Variants in MGAT4B observed in about 807,000 individuals in gnomAD.
The protein encoded by MGAT4B is N-acetylglucosaminyltransferase IVb.
Under a neutral mutation model 73.9 loss-of-function variants are expected in MGAT4B, and 38 were observed. That is an observed-to-expected ratio of 0.51 (90% CI 0.40 to 0.67). The LOEUF is 0.67. MGAT4B is among the 30% of genes least tolerant of loss of function. MGAT4B has a pLI of 0.00. For synonymous variants in MGAT4B, 373 were observed against 313.5 expected (o/e 1.19, Z -2.01); for missense variants, 686 against 735.2 (o/e 0.93, Z 0.77).
Position 179,800,471 on chromosome 5 carries a change from G to T in MGAT4B, c.719+13C>A. 2.6e-6 allele frequency: 4 copies of T among 1,563,802 alleles called. No homozygotes were observed. Among genetic ancestry groups the T allele is most frequent in the South Asian group, 1.1e-5 (1 of 88,694 alleles). ...CAGGCGGGTTGCTGAGGGTATGGGG[G>T]AGTAACTAGTACCTGACTCTCTCCT... On this transcript the variant is annotated intron_variant, in intron 6 of 14. Transcript: ENST00000292591.
chr5:179,799,230 C>A lies in MGAT4B; in HGVS notation c.1122G>T (p.Ser374=). The A allele has an allele frequency of 6.2e-7, 1 of 1,613,996 alleles. No individual in the cohort carries two copies. Among genetic ancestry groups the A allele is most frequent in the Non-Finnish European group, 8.5e-7 (1 of 1,180,036 alleles). The change falls in exon 10 of 15, where the codon TCG becomes TCT. Residue 374 remains serine, a synonymous_variant. Coordinates refer to ENST00000292591, the MANE Select transcript of MGAT4B (RefSeq NM_014275.5). ...SLFQHVGTHS[S]LAGKIQKLKD... ...TCAGTTTCTGGATCTTGCCAGCCAGCGAGGAGTGAGTGCCCACGTGCTGGA... is the reference window on the plus strand; with the variant it reads ...TCAGTTTCTGGATCTTGCCAGCCAGAGAGGAGTGAGTGCCCACGTGCTGGA...
At chr5:179,804,823 A>C (rs924115096) in intron 1 of MGAT4B, 2 of 152,228 alleles carry the variant, frequency 1.3e-5, no homozygotes, top group African/African-American at 4.8e-5. Context: ...ATGGGTTCAC[A>C]TAAGAGCCCA....
At chr5:179,800,126 C>A in intron 7 of MGAT4B, 58 bp from the exon 8 acceptor site, 1 of 1,608,946 alleles carries the variant, frequency 6.2e-7, no homozygotes, top group Non-Finnish European at 8.5e-7. Flanking sequence ...TGGACCAGAC[C>A]CATCGCAGGG....
At position 179,801,614 on chromosome 5, in the gene MGAT4B, G is replaced by A. The variant is rs554615864; in HGVS notation, c.364C>T (p.Leu122=). 5 of 1,606,328 alleles carry A rather than the reference G, an allele frequency of 3.1e-6. No individual in the cohort carries two copies. In the South Asian group the frequency reaches 5.6e-5, roughly 18 times the overall value. The stretch of plus-strand genomic sequence containing the variant: ...TGCAGACTGCTCTCCTTGGCCAGCA[G>A]GTGTGGCAGGTGATGGAAGACGGTG... ...LPTVFHHLPH[L]LAKESSLQPA... is the part of the protein sequence containing the mutation. The change falls in exon 3 of 15, where the codon CTG becomes TTG. Residue 122 remains leucine (L), a synonymous_variant. Coordinates refer to ENST00000292591, the MANE Select transcript of MGAT4B (RefSeq NM_014275.5). The surrounding 1 kb of genome is among the most constrained non-coding windows in gnomAD (Gnocchi z 4.8).
chr5:179,800,429 T>G, intron 6 of MGAT4B, 55 bp downstream of exon 6: 5 of 1,422,054 alleles, frequency 3.5e-6, no homozygotes, highest in Non-Finnish European at 4.9e-6. Context: ...CACCAGTAGA[T>G]GGGTTCTCAG....
chr5:179,801,125 G>T lies in MGAT4B; in HGVS notation c.559-172C>A, dbSNP rs765318378. 1 of 1,125,688 alleles carries T rather than the reference G, an allele frequency of 8.9e-7. No homozygotes were observed. Among genetic ancestry groups the T allele is most frequent in the Non-Finnish European group, 1.2e-6 (1 of 800,212 alleles). 69.7% of individuals were successfully genotyped at this position (1,125,688 alleles called of 1,614,324 possible). A position where few individuals can be genotyped will look rare whatever the true frequency, so the allele number is the denominator to read the frequency against. ...AGACGGCCCTTTCCCTTTGGGACTCGCATGGCCAAGGACTAGGGGGTGGCG... is the reference window on the plus strand; with the variant it reads ...AGACGGCCCTTTCCCTTTGGGACTCTCATGGCCAAGGACTAGGGGGTGGCG... On this transcript the variant is annotated intron_variant, in intron 4 of 14. Transcript: ENST00000292591. The surrounding 1 kb of genome is among the most constrained non-coding windows in gnomAD (Gnocchi z 4.8).
intron 1 of MGAT4B, chr5:179,802,904 C>A: frequency 2.0e-6 from 2 of 985,444 alleles, no homozygotes; most frequent in African/African-American, 3.5e-5. Flanking sequence ...CCTTCTGTTT[C>A]CAAGTCTCCA....
At chr5:179,798,789 C>G (rs983004168) in intron 11 of MGAT4B, 139 bp downstream of exon 11, 1 of 1,149,548 alleles carries the variant, frequency 8.7e-7, no homozygotes, top group African/African-American at 1.5e-5. Context: ...CTGACTTAGT[C>G]CTCACAAGGT....
intron 5 of MGAT4B, 135 bp from the exon 6 acceptor site, chr5:179,800,732 T>G: frequency 1.0e-6 from 1 of 968,168 alleles, no homozygotes; most frequent in Non-Finnish European, 1.6e-6. Context: ...CCAACTGAGG[T>G]AGCAGAGCTC....
In MGAT4B at chr5:179,797,711, G is replaced by T. The variant is rs1383060991; in HGVS notation, c.*334C>A. On this transcript the variant is annotated 3_prime_UTR_variant, in exon 15 of 15. Transcript: ENST00000292591. ...AAGAATAAAAAACACAGCACATAAA[G>T]TAGTATATGCATTCCAGTGTTCGCG... is the stretch of plus-strand genomic sequence containing the variant. The T allele has an allele frequency of 2.1e-5, 6 of 288,756 alleles. No individual in the cohort carries two copies. Among genetic ancestry groups the T allele is most frequent in the Non-Finnish European group, 2.6e-5 (4 of 155,596 alleles). The allele number at this position is 288,756 out of a possible 1,614,324, so 17.9% of individuals were successfully genotyped here. A position where few individuals can be genotyped will look rare whatever the true frequency, so the allele number is the denominator to read the frequency against.
intron 1 of MGAT4B, among the ~76,000 whole-genome samples, chr5:179,803,967 A>G (rs930799187): frequency 6.6e-6 from 1 of 152,220 alleles, no homozygotes; most frequent in Non-Finnish European, 1.5e-5. Context: ...CTGGCACCCT[A>G]TAACCCTCGG....
At chr5:179,800,407 C>A in intron 6 of MGAT4B, 77 bp downstream of exon 6, 1 of 1,422,602 alleles carries the variant, frequency 7.0e-7, no homozygotes, top group Non-Finnish European at 9.8e-7. Flanking sequence ...AGGGAAACAC[C>A]CTGGACTCAA....
intron 8 of MGAT4B, 140 bp downstream of exon 8, chr5:179,799,814 A>AGCCCCACCT: frequency 8.2e-7 from 1 of 1,226,172 alleles, no homozygotes; most frequent in Non-Finnish European, 1.2e-6. Context: ...CAATGAGAAC[A>AGCCCCACCT]GGCCAGGTGG....
chr5:179,806,487 C>A lies in MGAT4B; in HGVS notation c.97G>T (p.Gly33Cys). Reference protein sequence around the residue: ...SWYAALSGQKGDVVDVYQREF... With the variant: ...SWYAALSGQKCDVVDVYQREF... ...CGGGCCGGGCGGGGGTCGCGCTCAC[C>A]TTTCTGGCCGCTGAGTGCCGCGTAC... Residue 33 changes from glycine to cysteine, a missense_variant and splice_region_variant, in exon 1 of 15, where the codon GGC (glycine) becomes TGC (cysteine). By Grantham distance (159) the Gly-to-Cys change is radical. Coordinates refer to ENST00000292591, the MANE Select transcript of MGAT4B (RefSeq NM_014275.5). This position sits in a 1 kb window ranked among gnomAD's most constrained non-coding sequence, Gnocchi z 4.6. 2 of 1,303,156 alleles carry A rather than the reference C, an allele frequency of 1.5e-6. No individual in the cohort carries two copies. Among genetic ancestry groups the A allele is most frequent in the Non-Finnish European group, 2.0e-6 (2 of 999,880 alleles). The allele number at this position is 1,303,156 out of a possible 1,614,324, so 80.7% of individuals were successfully genotyped here. A position where few individuals can be genotyped will look rare whatever the true frequency, so the allele number is the denominator to read the frequency against.
chr5:179,802,927 C>T (rs1757009784), intron 1 of MGAT4B: 2 of 985,282 alleles, frequency 2.0e-6, no homozygotes, highest in Non-Finnish European at 2.4e-6. Context: ...TTTAAGAAGC[C>T]TGACCGAACT....
rs112666891 is a variant in MGAT4B at position 179,798,594 on chromosome 5, G to A, written c.1344-3C>T. 2 of 1,613,320 alleles carry A rather than the reference G, an allele frequency of 1.2e-6. No individual in the cohort carries two copies. The highest frequency in any genetic ancestry group is 2.2e-5 in the South Asian group (2 of 91,088). On this transcript the variant is annotated splice_polypyrimidine_tract_variant and splice_region_variant and intron_variant, in intron 11 of 14. Coordinates refer to ENST00000292591, the MANE Select transcript of MGAT4B (RefSeq NM_014275.5). Reference sequence around the variant, plus strand: ...TGTTCCCACTGCGGAAGAAGAACCTGCAGCCAGGCAGGCCTGTGAGCTGCT... The same window carrying A: ...TGTTCCCACTGCGGAAGAAGAACCTACAGCCAGGCAGGCCTGTGAGCTGCT...
At chr5:179,802,180 C>T (rs1477299193) in intron 1 of MGAT4B, 2 of 1,495,488 alleles carry the variant, frequency 1.3e-6, no homozygotes, top group Non-Finnish European at 1.8e-6. Context: ...AATTAGCCCT[C>T]TTCCAGTACT....
chr5:179,806,506 C>A lies in MGAT4B; in HGVS notation c.78G>T (p.Ala26=). ...LCAFLSLSWY[A]ALSGQKGDVV... ...GCTCACCTTTCTGGCCGCTGAGTGC[C>A]GCGTACCAGGACAGCGAGAGGAAGG... The change falls in exon 1 of 15, where the codon GCG becomes GCT. Residue 26 remains alanine (A), a synonymous_variant. Transcript: ENST00000292591. This position sits in a 1 kb window ranked among gnomAD's most constrained non-coding sequence, Gnocchi z 4.6. 1 of 1,324,654 alleles carries A rather than the reference C, an allele frequency of 7.5e-7. No individual in the cohort carries two copies. The allele number at this position is 1,324,654 out of a possible 1,614,324, so 82.1% of individuals were successfully genotyped here.
rs1177140666 is a variant in MGAT4B at position 179,797,955 on chromosome 5, C to T, written c.*90G>A. On this transcript the variant is annotated 3_prime_UTR_variant, in exon 15 of 15. Coordinates refer to ENST00000292591, the MANE Select transcript of MGAT4B (RefSeq NM_014275.5). ...CCAGGCAGAACCCTTTGGGCGGGGC[C>T]GTATCTGGCCCTCCGGGGACGGCAG... 47 of 1,509,252 alleles carry T rather than the reference C, an allele frequency of 3.1e-5. No homozygotes were observed. Among genetic ancestry groups the T allele is most frequent in the Middle Eastern group, 1.7e-4 (1 of 5,932 alleles). 93.5% of individuals were successfully genotyped at this position (1,509,252 alleles called of 1,614,324 possible).
Sources: gnomAD v4.1 joint callset for allele counts (sites outside exome capture counted in the v4.1 genomes callset) on GRCh38, gnomAD v4.1.1 for gene constraint, Gnocchi (gnomAD v3.1) non-coding constraint, MANE v1.5 for transcripts, NCBI Gene and HGNC (gene_info 2026-07-23, HGNC 2026-07-21) for gene names.